CNTN4: variants seen among roughly 807,000 people sequenced by gnomAD.
CNTN4 encodes the protein contactin 4, also known as contactin-4.
In CNTN4, 77 loss-of-function variants were observed where a neutral mutation model predicts 122.5. That is an observed-to-expected ratio of 0.63 (90% confidence interval 0.52 to 0.76). CNTN4 has a LOEUF of 0.76. Among genes scored for constraint, CNTN4 ranks in the 30% least tolerant of loss-of-function variants. The probability of loss-of-function intolerance (pLI) is 0.00; values close to 1 mark genes in which losing one functional copy is unlikely to be tolerated. For missense variants in CNTN4, 1,256 were observed against 1,259.1 expected, an observed-to-expected ratio of 1.00 and a Z score of 0.04; for synonymous variants, 512 against 447.0, an observed-to-expected ratio of 1.15 and a Z score of -1.83.
At chr3:2,287,779 G>A (rs913660821) in intron 2 of CNTN4, among the ~76,000 whole-genome samples, 97 of 139,918 alleles carry the variant, frequency 6.9e-4, no homozygotes, top group African/African-American at 1.3e-3. Context: ...GAAGAAGAAG[G>A]AGAAGAAGAG....
chr3:2,708,578 A>G (rs2086886288), intron 4 of CNTN4, among the ~76,000 whole-genome samples: 1 of 152,216 alleles, frequency 6.6e-6, no homozygotes, highest in Admixed American at 6.5e-5. Flanking sequence ...TTGGTATGGG[A>G]CTGAGGCTCT....
intron 4 of CNTN4, among the ~76,000 whole-genome samples, chr3:2,674,031 C>T (rs535815229): frequency 6.6e-6 from 1 of 152,300 alleles, no homozygotes; most frequent in South Asian, 2.1e-4. Context: ...CTCAGACCTT[C>T]CAGCCCAGCT....
chr3:2,190,793 G>T (rs1358380632), intron 2 of CNTN4, among the ~76,000 whole-genome samples: 1 of 149,256 alleles, frequency 6.7e-6, no homozygotes, highest in Admixed American at 6.8e-5. Context: ...ACAGCTTAAG[G>T]TGAGGACTTT....
intron 3 of CNTN4, among the ~76,000 whole-genome samples, chr3:2,562,998 G>T (rs2079022033): frequency 6.6e-6 from 1 of 152,078 alleles, no homozygotes; most frequent in South Asian, 2.1e-4. Context: ...AAAGTGCTGG[G>T]ATTATAGGTG....
At chr3:2,901,736 A>T (rs2094175982) in intron 11 of CNTN4, among the ~76,000 whole-genome samples, 1 of 152,162 alleles carries the variant, frequency 6.6e-6, no homozygotes, top group South Asian at 2.1e-4. Flanking sequence ...AGTCAAAGAG[A>T]ATGGGAGATC....
chr3:2,171,118 A>T (rs1214244628), intron 2 of CNTN4, among the ~76,000 whole-genome samples: 11 of 152,232 alleles, frequency 7.2e-5, no homozygotes, highest in African/African-American at 1.9e-4. Context: ...CGAATTCTTT[A>T]TAAACACAAA....
intron 12 of CNTN4, among the ~76,000 whole-genome samples, chr3:2,909,607 A>G (rs1392652389): frequency 1.3e-5 from 2 of 152,196 alleles, no homozygotes; most frequent in African/African-American, 4.8e-5. Flanking sequence ...CCTAGGACCC[A>G]GGCATTTTTC....
intron 2 of CNTN4, among the ~76,000 whole-genome samples, chr3:2,229,799 T>C (rs565149290): frequency 1.3e-5 from 2 of 152,314 alleles, no homozygotes; most frequent in East Asian, 3.9e-4. Context: ...AATAATTTAT[T>C]CCAATTTTAC....
intron 3 of CNTN4, among the ~76,000 whole-genome samples, chr3:2,485,595 A>G (rs994668702): frequency 1.3e-5 from 2 of 152,096 alleles, no homozygotes; most frequent in Admixed American, 6.5e-5. Context: ...AAATGCACCA[A>G]TCAGCACTCT....
chr3:3,014,783 T>C (rs1050615972), intron 14 of CNTN4, among the ~76,000 whole-genome samples: 4 of 151,956 alleles, frequency 2.6e-5, no homozygotes, highest in Non-Finnish European at 4.4e-5. Flanking sequence ...AAATTTTGTG[T>C]TCCCTGTACC....
intron 4 of CNTN4, among the ~76,000 whole-genome samples, chr3:2,692,283 T>A (rs1374778497): frequency 1.3e-5 from 2 of 152,126 alleles, no homozygotes; most frequent in Non-Finnish European, 2.9e-5. Flanking sequence ...ATGTTCTCCT[T>A]TCGGAAAAGC....
chr3:2,465,062 C>A (rs986555653), intron 3 of CNTN4, among the ~76,000 whole-genome samples: 1 of 152,152 alleles, frequency 6.6e-6, no homozygotes, highest in Non-Finnish European at 1.5e-5. Context: ...GGTTGCACAG[C>A]AGTGTGAATG....
At chr3:2,336,360 T>G (rs895069092) in intron 2 of CNTN4, among the ~76,000 whole-genome samples, 1 of 152,160 alleles carries the variant, frequency 6.6e-6, no homozygotes, top group South Asian at 2.1e-4. Context: ...GTAAAAGCTA[T>G]TGGTCTATGA....
At chr3:2,568,327 A>AC (rs2079268307) in intron 3 of CNTN4, among the ~76,000 whole-genome samples, 2 of 150,752 alleles carry the variant, frequency 1.3e-5, no homozygotes, top group African/African-American at 4.9e-5. Flanking sequence ...GAAAAAAAAA[A>AC]AAAAAAAAAA....
At chr3:2,203,699 G>C (rs770208470) in intron 2 of CNTN4, among the ~76,000 whole-genome samples, 8 of 151,894 alleles carry the variant, frequency 5.3e-5, no homozygotes, top group Non-Finnish European at 1.0e-4. Context: ...CATCATATTG[G>C]GAAAGAAAAA....
chr3:2,882,260 G>T (rs1471651789), intron 8 of CNTN4, among the ~76,000 whole-genome samples: 2 of 152,096 alleles, frequency 1.3e-5, no homozygotes, highest in Admixed American at 1.3e-4. Context: ...AGCAACTCGG[G>T]GAGGCTGAAG....
chr3:2,625,438 A>T (rs1180378672), intron 4 of CNTN4, among the ~76,000 whole-genome samples: 2 of 152,218 alleles, frequency 1.3e-5, no homozygotes, highest in South Asian at 2.1e-4. Context: ...ATCATTTACC[A>T]TTAGCTCTGA....
chr3:2,925,857 A>C, intron 13 of CNTN4, 78 bp downstream of exon 13: 3 of 1,278,082 alleles, frequency 2.3e-6, no homozygotes, highest in Non-Finnish European at 3.4e-6. Context: ...TCTAAGGGGA[A>C]GGTGGGGTGA....
intron 2 of CNTN4, among the ~76,000 whole-genome samples, chr3:2,145,710 G>A (rs4685486): frequency 0.46 from 70,519 of 152,006 alleles, 16,527 homozygotes; most frequent in African/African-American, 0.48. Context: ...TACATGAAAT[G>A]AAATTTCAAT....
Sources: allele counts gnomAD v4.1 joint callset (sites outside exome capture counted in the v4.1 genomes callset), GRCh38; gene constraint gnomAD v4.1.1; transcripts MANE v1.5; gene names NCBI Gene and HGNC (gene_info 2026-07-23, HGNC 2026-07-21).